Variants in ABLIM1 observed in about 807,000 individuals in gnomAD.
ABLIM1 encodes the protein actin-binding LIM protein 1.
Under a neutral mutation model 107.0 loss-of-function variants are expected in ABLIM1, and 40 were observed. The ratio of observed to expected loss-of-function variants is 0.37; its 90% CI spans 0.29 to 0.49. The LOEUF is 0.49. Among genes scored for constraint, ABLIM1 ranks in the 20% least tolerant of loss-of-function variants. The pLI is 0.97. For missense variants in ABLIM1, 857 were observed against 1,008.5 expected, an observed-to-expected ratio of 0.85 and a Z score of 2.04; for synonymous variants, 357 against 357.3, an observed-to-expected ratio of 1.00 and a Z score of 0.01.
At chr10:114,540,628 G>A (rs1462644411) in intron 6 of ABLIM1, among the ~76,000 whole-genome samples, 1 of 152,180 alleles carries the variant, frequency 6.6e-6, no homozygotes, top group Non-Finnish European at 1.5e-5. Flanking sequence ...ACTCAGGAAT[G>A]AGTGACACAG....
chr10:114,558,215 C>G (rs2483545), intron 4 of ABLIM1, among the ~76,000 whole-genome samples: 56,556 of 151,860 alleles, frequency 0.37, 13,860 homozygotes, highest in African/African-American at 0.7. Flanking sequence ...GTTCCCCCGC[C>G]CCCCCATATC....
chr10:114,538,716 G>A (rs1444017671), intron 6 of ABLIM1, among the ~76,000 whole-genome samples: 10 of 152,142 alleles, frequency 6.6e-5, no homozygotes. Flanking sequence ...TCCTTTCAGG[G>A]AGGAGAACAA....
chr10:114,490,775 CAT>C (rs2058805674), intron 7 of ABLIM1, among the ~76,000 whole-genome samples: 1 of 150,606 alleles, frequency 6.6e-6, no homozygotes, highest in African/African-American at 2.4e-5. Flanking sequence ...AAACTATGAT[CAT>C]ATATATATGG....
intron 1 of ABLIM1, among the ~76,000 whole-genome samples, chr10:114,752,979 A>G (rs1168555686): frequency 6.6e-6 from 1 of 152,218 alleles, no homozygotes; most frequent in Non-Finnish European, 1.5e-5. Flanking sequence ...GCCTTTGGGA[A>G]ATATATCAGC....
Position 114,504,869 on chromosome 10 carries a change from G to A in ABLIM1, c.895-12991C>T, listed in dbSNP as rs141188067. Among the ~76,000 whole-genome samples, 62 of 152,286 alleles carry A rather than the reference G, an allele frequency of 4.1e-4. No homozygotes were observed. The Middle Eastern group carries it at 0.01, about 25-fold the overall frequency. ...TAAAAGGGTATAAAGTAGTGGTTCTGCCTAGCTTGCAAGGTTGCTGTGTAG... is the reference window on the plus strand; with the variant it reads ...TAAAAGGGTATAAAGTAGTGGTTCTACCTAGCTTGCAAGGTTGCTGTGTAG... On this transcript the variant is annotated intron_variant, in intron 6 of 22. Transcript: ENST00000533213.
At chr10:114,754,655 C>G (rs2082590910) in intron 1 of ABLIM1, among the ~76,000 whole-genome samples, 1 of 152,136 alleles carries the variant, frequency 6.6e-6, no homozygotes, top group South Asian at 2.1e-4. Context: ...TTCAGAGAAC[C>G]AGGGCAGGCT....
intron 1 of ABLIM1, among the ~76,000 whole-genome samples, chr10:114,626,005 G>T (rs1030881948): frequency 2.6e-5 from 4 of 152,292 alleles, no homozygotes; most frequent in Admixed American, 1.3e-4. Context: ...TGGCTTAGAA[G>T]AACATTTTTT....
At chr10:114,566,591 A>T (rs2070774897) in intron 4 of ABLIM1, among the ~76,000 whole-genome samples, 1 of 152,240 alleles carries the variant, frequency 6.6e-6, no homozygotes, top group South Asian at 2.1e-4. Flanking sequence ...CAATCTAGTT[A>T]ATGTTCGTCA....
At chr10:114,595,231 A>G (rs1290256176) in intron 2 of ABLIM1, 1 of 152,182 alleles carries the variant, frequency 6.6e-6, no homozygotes, top group African/African-American at 2.4e-5. Flanking sequence ...AAAATAATGA[A>G]CAAAATATAT....
At chr10:114,574,596 C>G (rs1046942110) in intron 3 of ABLIM1, among the ~76,000 whole-genome samples, 1 of 152,008 alleles carries the variant, frequency 6.6e-6, no homozygotes, top group African/African-American at 2.4e-5. Context: ...CCTGCCACCT[C>G]GCCTGGCTAA....
chr10:114,643,758 T>A (rs2483522), intron 1 of ABLIM1, among the ~76,000 whole-genome samples: 2,846 of 151,944 alleles, frequency 0.019, 77 homozygotes, highest in African/African-American at 0.066. Flanking sequence ...TAAATTTTTT[T>A]AGAGAGGGAG....
intron 1 of ABLIM1, among the ~76,000 whole-genome samples, chr10:114,638,897 T>G (rs2078608690): frequency 6.6e-6 from 1 of 152,200 alleles, no homozygotes; most frequent in South Asian, 2.1e-4. Context: ...GGGAAGATAA[T>G]GTACCCAGAC....
At chr10:114,601,675 T>C (rs1359375574) in intron 2 of ABLIM1, 152 bp downstream of exon 2, 1 of 1,304,644 alleles carries the variant, frequency 7.7e-7, no homozygotes, top group Non-Finnish European at 1.1e-6. Context: ...AGAGTCTAAC[T>C]GAATCCCAAA....
At chr10:114,530,878 A>C (rs1488196328) in intron 6 of ABLIM1, among the ~76,000 whole-genome samples, 2 of 152,214 alleles carry the variant, frequency 1.3e-5, no homozygotes, top group Non-Finnish European at 2.9e-5. Context: ...AGGCCTAAAG[A>C]GTATGTGAAG....
chr10:114,625,385 G>A (rs1423762516), intron 1 of ABLIM1, among the ~76,000 whole-genome samples: 1 of 152,138 alleles, frequency 6.6e-6, no homozygotes, highest in Non-Finnish European at 1.5e-5. Flanking sequence ...GTCTGTGTGG[G>A]TGTGTGTTTT....
At chr10:114,762,924 G>A (rs1248650777) in intron 1 of ABLIM1, among the ~76,000 whole-genome samples, 3 of 152,222 alleles carry the variant, frequency 2.0e-5, no homozygotes, top group Non-Finnish European at 4.4e-5. Flanking sequence ...CAATGGATGA[G>A]CAGTTAGGTT....
intron 1 of ABLIM1, among the ~76,000 whole-genome samples, chr10:114,764,087 G>T (rs1164498596): frequency 6.6e-6 from 1 of 152,124 alleles, no homozygotes; most frequent in Admixed American, 6.5e-5. Context: ...TTCTCCCCAG[G>T]TATGGAAACT....
rs183372028 is a variant in ABLIM1, at chr10:114,457,626, T to A, written c.1442-4143A>T. 3.0e-4 allele frequency among the ~76,000 whole-genome samples: 46 copies of A among 152,294 alleles called. No individual in the cohort carries two copies. The East Asian group carries it at 8.9e-3, about 29-fold the overall frequency. On this transcript the variant is annotated intron_variant, in intron 12 of 22. Coordinates refer to ENST00000533213, the MANE Select transcript of ABLIM1 (RefSeq NM_002313.7). ...CCCAACCCTGGCAGGAAATAACTTA[T>A]GGGGGCCCTAAGAGGCCATCTGTGC...
At chr10:114,562,599 T>G (rs2069910811) in intron 4 of ABLIM1, among the ~76,000 whole-genome samples, 1 of 152,230 alleles carries the variant, frequency 6.6e-6, no homozygotes, top group Non-Finnish European at 1.5e-5. Context: ...AAGCAATAAC[T>G]GCTTCCCCTG....
Sources: allele counts gnomAD v4.1 joint callset (sites outside exome capture counted in the v4.1 genomes callset), GRCh38; gene constraint gnomAD v4.1.1; transcripts MANE v1.5; gene names NCBI Gene and HGNC (gene_info 2026-07-23, HGNC 2026-07-21).